PPP3CA: variants seen among roughly 807,000 people sequenced by gnomAD.
PPP3CA encodes the protein CAM-PRP catalytic subunit.
Under a neutral mutation model 66.5 loss-of-function variants are expected in PPP3CA, and 14 were observed. That is an observed-to-expected ratio of 0.21 (90% CI 0.14 to 0.33). The LOEUF is 0.33. Among genes scored for constraint, PPP3CA ranks in the 10% least tolerant of loss-of-function variants. The probability of loss-of-function intolerance (pLI) is 1.00; values close to 1 mark genes in which losing one functional copy is unlikely to be tolerated. For synonymous variants in PPP3CA, 232 were observed against 226.2 expected, an observed-to-expected ratio of 1.03 and a Z score of -0.23; for missense variants, 317 against 639.5, an observed-to-expected ratio of 0.50 and a Z score of 5.44.
chr4:101,309,750 A>G (rs1050791832), intron 1 of PPP3CA, among the ~76,000 whole-genome samples: 3 of 152,220 alleles, frequency 2.0e-5, no homozygotes, highest in Non-Finnish European at 4.4e-5. Context: ...AGAATGGTCA[A>G]GCAGTCAGAA....
At chr4:101,117,103 T>A (rs896650226) in intron 2 of PPP3CA, among the ~76,000 whole-genome samples, 1 of 151,838 alleles carries the variant, frequency 6.6e-6, no homozygotes, top group Middle Eastern at 3.2e-3. Flanking sequence ...TATGATGCTG[T>A]TTTATGAAGA....
intron 1 of PPP3CA, among the ~76,000 whole-genome samples, chr4:101,341,752 C>T (rs1729826464): frequency 6.6e-6 from 1 of 152,150 alleles, no homozygotes; most frequent in African/African-American, 2.4e-5. Flanking sequence ...CTCACCATAT[C>T]CCTCTTGTAT....
intron 2 of PPP3CA, among the ~76,000 whole-genome samples, chr4:101,188,965 G>A (rs971189948): frequency 6.6e-6 from 1 of 152,088 alleles, no homozygotes; most frequent in Non-Finnish European, 1.5e-5. Context: ...TAGTAAACTA[G>A]CTGCATGAAA....
intron 1 of PPP3CA, among the ~76,000 whole-genome samples, chr4:101,333,254 T>C: frequency 7.2e-6 from 1 of 139,416 alleles, no homozygotes. Context: ...ACTACAGGCA[T>C]GCACTACCAT....
chr4:101,102,465 C>T (rs1469909248), intron 3 of PPP3CA, among the ~76,000 whole-genome samples: 1 of 152,130 alleles, frequency 6.6e-6, no homozygotes, highest in Admixed American at 6.5e-5. Context: ...AAAATATCTT[C>T]CCAAACATTG....
At chr4:101,229,015 C>T (rs1012336353) in intron 1 of PPP3CA, among the ~76,000 whole-genome samples, 3 of 151,588 alleles carry the variant, frequency 2.0e-5, no homozygotes, top group Admixed American at 1.3e-4. Flanking sequence ...AGCACTAAAA[C>T]AATAAGCTGT....
chr4:101,201,003 A>C (rs921390870), intron 1 of PPP3CA, among the ~76,000 whole-genome samples: 2 of 152,200 alleles, frequency 1.3e-5, no homozygotes, highest in African/African-American at 2.4e-5. Context: ...CACAGTTAGC[A>C]CTGTATTTAG....
intron 3 of PPP3CA, among the ~76,000 whole-genome samples, chr4:101,108,369 T>A (rs1310206057): frequency 2.0e-5 from 3 of 152,248 alleles, no homozygotes; most frequent in Admixed American, 2.0e-4. Context: ...AATGGAATTA[T>A]TTATTGTAAA....
At position 101,152,629 on chromosome 4, in the gene PPP3CA, A is replaced by G. The variant is rs576185321; in HGVS notation, c.259+43287T>C. Among the ~76,000 whole-genome samples the G allele has an allele frequency of 5.3e-5, 8 of 152,330 alleles. No individual in the cohort carries two copies. The South Asian group carries it at 1.4e-3, about 28-fold the overall frequency. On this transcript the variant is annotated intron_variant, in intron 2 of 13. Coordinates refer to ENST00000394854, the MANE Select transcript of PPP3CA (RefSeq NM_000944.5). ...CTTGAGTAAATTTTACTAGAAACAG[A>G]TTTCTCTATCATGCCATTAAGTCCT...
chr4:101,134,173 G>T (rs1387689051), intron 2 of PPP3CA, among the ~76,000 whole-genome samples: 1 of 152,102 alleles, frequency 6.6e-6, no homozygotes, highest in Non-Finnish European at 1.5e-5. Context: ...TACCATTCAG[G>T]ACGTCGGCAA....
At chr4:101,245,532 C>T (rs1726449772) in intron 1 of PPP3CA, among the ~76,000 whole-genome samples, 1 of 152,114 alleles carries the variant, frequency 6.6e-6, no homozygotes, top group Admixed American at 6.6e-5. Flanking sequence ...ATTGTTATCA[C>T]CCCAGACCGG....
intron 13 of PPP3CA, among the ~76,000 whole-genome samples, chr4:101,027,213 TTAAGGA>T (rs1236807667): frequency 6.6e-6 from 1 of 151,844 alleles, no homozygotes; most frequent in African/African-American, 2.4e-5. Context: ...CCATGGCTGA[TTAAGGA>T]TAATTTCATG....
chr4:101,157,353 C>T (rs993339036), intron 2 of PPP3CA, among the ~76,000 whole-genome samples: 56 of 152,268 alleles, frequency 3.7e-4, no homozygotes, highest in African/African-American at 1.3e-3. Flanking sequence ...ATATTTTATA[C>T]TTTCACCTTC....
intron 2 of PPP3CA, among the ~76,000 whole-genome samples, chr4:101,136,477 G>A (rs989741668): frequency 6.6e-6 from 1 of 151,942 alleles, no homozygotes; most frequent in African/African-American, 2.4e-5. Flanking sequence ...GGAGGCAGAG[G>A]TTGCAGTGAA....
chr4:101,285,522 C>G (rs1014222421), intron 1 of PPP3CA, among the ~76,000 whole-genome samples: 1 of 151,884 alleles, frequency 6.6e-6, no homozygotes, highest in Non-Finnish European at 1.5e-5. Context: ...CCCACATCAT[C>G]TGAAACAAAG....
intron 8 of PPP3CA, among the ~76,000 whole-genome samples, chr4:101,064,668 CGCCCTCTTTA>C: frequency 6.6e-6 from 1 of 151,964 alleles, no homozygotes; most frequent in Admixed American, 6.6e-5. Flanking sequence ...TATCCCCTTT[CGCCCTCTTTA>C]ATATGACATG....
intron 1 of PPP3CA, among the ~76,000 whole-genome samples, chr4:101,274,235 C>T (rs550249767): frequency 3.3e-5 from 5 of 152,238 alleles, no homozygotes; most frequent in African/African-American, 1.2e-4. Context: ...ACCCAGGAGG[C>T]GGAGGTTATA....
intron 10 of PPP3CA, among the ~76,000 whole-genome samples, chr4:101,045,777 AACTT>A (rs1727739345): frequency 6.6e-6 from 1 of 152,220 alleles, no homozygotes; most frequent in African/African-American, 2.4e-5. Flanking sequence ...AGTTAAATAA[AACTT>A]ACTTTGCCAG....
At chr4:101,268,371 T>C (rs978974696) in intron 1 of PPP3CA, among the ~76,000 whole-genome samples, 1 of 152,132 alleles carries the variant, frequency 6.6e-6, no homozygotes, top group Non-Finnish European at 1.5e-5. Flanking sequence ...GTGATTACAT[T>C]CTTAAGCTGG....
Sources: allele counts gnomAD v4.1 joint callset (sites outside exome capture counted in the v4.1 genomes callset), GRCh38; gene constraint gnomAD v4.1.1; transcripts MANE v1.5; gene names NCBI Gene and HGNC (gene_info 2026-07-23, HGNC 2026-07-21).